EFCAB6: variants seen among roughly 807,000 people sequenced by gnomAD.
EFCAB6 encodes the protein EF-hand calcium-binding domain-containing protein 6.
EFCAB6 carries 156 observed loss-of-function variants against 169.8 expected under a neutral mutation model. The ratio of observed to expected loss-of-function variants is 0.92; its 90% CI spans 0.81 to 1.05. The LOEUF is 1.05. Among genes scored for constraint, EFCAB6 ranks in the 50% least tolerant of loss-of-function variants. The pLI is 0.00. For missense variants in EFCAB6, 1,800 were observed against 1,829.1 expected (o/e 0.98, Z 0.29); for synonymous variants, 698 against 676.4 (o/e 1.03, Z -0.50).
In EFCAB6 at chr22:43,628,638, G is replaced by A. The variant is rs1027993327; in HGVS notation, c.2233-1959C>T. On this transcript the variant is annotated intron_variant, in intron 19 of 31. Coordinates refer to ENST00000262726, the MANE Select transcript of EFCAB6 (RefSeq NM_022785.4). This position sits in a 1 kb window ranked among gnomAD's most constrained non-coding sequence, Gnocchi z 4.8. ...CCCCTCACTGTTCTCTGAACAGGCC[G>A]AGCCTGCTTCAGGGTATCGCAGGGA... Among the ~76,000 whole-genome samples, 6 of 151,430 alleles carry A rather than the reference G, an allele frequency of 4.0e-5. No individual in the cohort carries two copies. Among genetic ancestry groups the A allele is most frequent in the Non-Finnish European group, 5.9e-5 (4 of 67,888 alleles).
intron 17 of EFCAB6, among the ~76,000 whole-genome samples, chr22:43,658,083 T>C (rs2056832319): frequency 6.6e-6 from 1 of 151,360 alleles, no homozygotes; most frequent in Admixed American, 6.6e-5. Flanking sequence ...ACAAAAATTA[T>C]CCGGGTATGG....
chr22:43,586,494 C>T lies in EFCAB6; in HGVS notation c.3032+3580G>A, dbSNP rs1265163151. ...AGAGGAAAGGGGTGCTAATATTCTC[C>T]CCTTACAAAGTGAGGGACGTAAGAG... is the stretch of plus-strand genomic sequence containing the variant. On this transcript the variant is annotated intron_variant, in intron 24 of 31. Transcript: ENST00000262726. Among the ~76,000 whole-genome samples the T allele has an allele frequency of 4.6e-5, 7 of 151,736 alleles. No homozygotes were observed. The South Asian group carries it at 1.0e-3, about 23-fold the overall frequency.
chr22:43,567,669 G>A (rs1335152285), intron 26 of EFCAB6, among the ~76,000 whole-genome samples: 2 of 152,138 alleles, frequency 1.3e-5, no homozygotes, highest in Non-Finnish European at 2.9e-5. Context: ...CTAATGGTGT[G>A]ACTGGGAAAG....
At chr22:43,706,419 T>G (rs1415709875) in intron 10 of EFCAB6, among the ~76,000 whole-genome samples, 1 of 152,238 alleles carries the variant, frequency 6.6e-6, no homozygotes, top group Non-Finnish European at 1.5e-5. Context: ...ACATTGCATA[T>G]TCTAGCTCAT....
At chr22:43,647,065 G>A (rs1676050937) in intron 17 of EFCAB6, among the ~76,000 whole-genome samples, 1 of 152,010 alleles carries the variant, frequency 6.6e-6, no homozygotes, top group Non-Finnish European at 1.5e-5. Flanking sequence ...TGTGCACGTG[G>A]GGACAGGGGT....
In EFCAB6 at chr22:43,716,830, C is replaced by G; in HGVS notation, c.882+18G>C. On this transcript the variant is annotated intron_variant, in intron 9 of 31. Coordinates refer to ENST00000262726, the MANE Select transcript of EFCAB6 (RefSeq NM_022785.4). Reference sequence around the variant, plus strand: ...GTGTTTACTCTGTAGGTAATTGTGGCTTAGGAAAACATCTTACTTGTAGAC... The same window carrying G: ...GTGTTTACTCTGTAGGTAATTGTGGGTTAGGAAAACATCTTACTTGTAGAC... The G allele has an allele frequency of 1.3e-6, 2 of 1,593,948 alleles. No individual in the cohort carries two copies. The highest frequency in any genetic ancestry group is 1.7e-6 in the Non-Finnish European group (2 of 1,172,328).
In EFCAB6 at chr22:43,683,762, T is replaced by C. The variant is rs750472864; in HGVS notation, c.1236A>G (p.Leu412=). The C allele has an allele frequency of 3.1e-6, 5 of 1,610,590 alleles. No individual in the cohort carries two copies. The highest frequency in any genetic ancestry group is 4.2e-6 in the Non-Finnish European group (5 of 1,176,820). ...EDHSASLKKA[L]LIINTKPDGP... ...AAAATCTTACAGTGTTGATTATCAG[T>C]AATGCTTTCTTCAGTGACGCAGAGT... The change falls in exon 12 of 32, where the codon TTA becomes TTG. Residue 412 remains leucine (L), a synonymous_variant. Transcript: ENST00000262726.
chr22:43,680,694 A>T (rs1230706166), intron 12 of EFCAB6, among the ~76,000 whole-genome samples: 1 of 152,144 alleles, frequency 6.6e-6, no homozygotes, highest in Non-Finnish European at 1.5e-5. Flanking sequence ...TAGGTATTTT[A>T]TTCTTTTTGA....
intron 6 of EFCAB6, among the ~76,000 whole-genome samples, chr22:43,743,235 C>T (rs753138246): frequency 2.0e-4 from 31 of 152,138 alleles, no homozygotes; most frequent in South Asian, 1.0e-3. Flanking sequence ...AGATGAAAGC[C>T]GGAGAGTGGG....
chr22:43,564,300 CA>C (rs11333628), intron 26 of EFCAB6, among the ~76,000 whole-genome samples: 9,482 of 151,984 alleles, frequency 0.062, 348 homozygotes, highest in Admixed American at 0.097. Context: ...ATACAAAAAT[CA>C]GCAGGGTGTG....
intron 2 of EFCAB6, among the ~76,000 whole-genome samples, chr22:43,787,280 A>G (rs1047358502): frequency 5.3e-5 from 8 of 151,988 alleles, no homozygotes; most frequent in Non-Finnish European, 1.0e-4. Flanking sequence ...AACTACCTCT[A>G]TTTGCAAATG....
chr22:43,630,872 C>T (rs2054890209), intron 19 of EFCAB6, among the ~76,000 whole-genome samples: 1 of 150,678 alleles, frequency 6.6e-6, no homozygotes, highest in South Asian at 2.1e-4. Context: ...CAATCCGTCT[C>T]CATGTATGCA....
rs763999944 is a variant in EFCAB6, at chr22:43,582,265, GAA to G, written c.3033-1608_3033-1607del. 2.0e-5 allele frequency among the ~76,000 whole-genome samples: 3 copies of G among 151,994 alleles called. 1 individual carries two copies. Among genetic ancestry groups the G allele is most frequent in the Non-Finnish European group, 4.4e-5 (3 of 68,002 alleles). The stretch of plus-strand genomic sequence containing the variant: ...TTGTTCAGCTGGAAATAGATTCAGT[GAA>G]AAGAGATCCTGTTTAAGGAAGAAAA... On this transcript the variant is annotated intron_variant, in intron 24 of 31. Coordinates refer to ENST00000262726, the MANE Select transcript of EFCAB6 (RefSeq NM_022785.4).
At chr22:43,642,491 A>ACCT (rs1176613233) in intron 17 of EFCAB6, among the ~76,000 whole-genome samples, 1 of 149,794 alleles carries the variant, frequency 6.7e-6, no homozygotes, top group Non-Finnish European at 1.5e-5. Context: ...CTCCTCCCCC[A>ACCT]CCTATACACC....
At chr22:43,551,247 A>G (rs2048360897) in intron 27 of EFCAB6, among the ~76,000 whole-genome samples, 1 of 152,232 alleles carries the variant, frequency 6.6e-6, no homozygotes, top group Non-Finnish European at 1.5e-5. Flanking sequence ...CCAGCAAAGT[A>G]ACTCATGCAA....
intron 26 of EFCAB6, among the ~76,000 whole-genome samples, chr22:43,574,632 C>A (rs549859652): frequency 3.1e-5 from 4 of 128,446 alleles, no homozygotes; most frequent in African/African-American, 1.2e-4. Flanking sequence ...AATATGTATT[C>A]CTTTTAAAAT....
At chr22:43,530,570 C>T (rs2046996644) in intron 31 of EFCAB6, 4 of 985,362 alleles carry the variant, frequency 4.1e-6, no homozygotes, top group East Asian at 2.3e-4. Context: ...GAGGAGCTGG[C>T]GATGCAGGTA....
chr22:43,646,271 C>T (rs891360839), intron 17 of EFCAB6, among the ~76,000 whole-genome samples: 3 of 152,168 alleles, frequency 2.0e-5, no homozygotes, highest in East Asian at 1.9e-4. Context: ...AGCCTCTGCA[C>T]GCCTTTATGT....
rs922227777 is a variant in EFCAB6, at chr22:43,628,657, G to A, written c.2233-1978C>T. Among the ~76,000 whole-genome samples the A allele has an allele frequency of 1.3e-5, 2 of 151,888 alleles. No individual in the cohort carries two copies. The highest frequency in any genetic ancestry group is 2.4e-5 in the African/African-American group (1 of 41,318). On this transcript the variant is annotated intron_variant, in intron 19 of 31. Transcript: ENST00000262726. The surrounding 1 kb of genome is among the most constrained non-coding windows in gnomAD (Gnocchi z 4.8). ...CAGGCCGAGCCTGCTTCAGGGTATCGCAGGGAGCCCTCTCCAGTGTCCGCA... is the reference window on the plus strand; with the variant it reads ...CAGGCCGAGCCTGCTTCAGGGTATCACAGGGAGCCCTCTCCAGTGTCCGCA...
Sources: allele counts gnomAD v4.1 joint callset (sites outside exome capture counted in the v4.1 genomes callset), GRCh38; gene constraint gnomAD v4.1.1; non-coding constraint Gnocchi (gnomAD v3.1); transcripts MANE v1.5; gene names NCBI Gene and HGNC (gene_info 2026-07-23, HGNC 2026-07-21).